Variants in CHAF1B observed in about 807,000 individuals in gnomAD.
The protein encoded by CHAF1B is CAF-1 subunit B.
A neutral mutation model predicts 60.7 loss-of-function variants in CHAF1B; 10 were observed. The observed-to-expected ratio is 0.16, with a 90% confidence interval of 0.10 to 0.28. CHAF1B has a LOEUF of 0.28. Among genes scored for constraint, CHAF1B ranks in the 10% least tolerant of loss-of-function variants. The pLI, the probability that CHAF1B is intolerant of heterozygous loss-of-function variation, is 1.00. For synonymous variants in CHAF1B, 261 were observed against 266.1 expected (o/e 0.98, Z 0.19); for missense variants, 558 against 708.4 (o/e 0.79, Z 2.41).
chr21:36,397,937 A>G (rs1466020265), intron 6 of CHAF1B: 1 of 152,530 alleles, frequency 6.6e-6, no homozygotes, highest in Admixed American at 6.5e-5. Context: ...CACGTTGGTC[A>G]AGCTGTTCTC....
At chr21:36,405,978 T>G (rs1409456720) in intron 8 of CHAF1B, among the ~76,000 whole-genome samples, 2 of 151,900 alleles carry the variant, frequency 1.3e-5, no homozygotes, top group Non-Finnish European at 2.9e-5. Context: ...CAGTGATACT[T>G]GGGAGGGCAT....
Position 36,411,568 on chromosome 21 carries a change from C to T in CHAF1B, c.1025C>T (p.Ser342Phe). 1.2e-6 allele frequency: 2 copies of T among 1,614,026 alleles called. No homozygotes were observed. The highest frequency in any genetic ancestry group is 1.7e-6 in the Non-Finnish European group (2 of 1,180,010). ...CAGTCCTTCCCTTTTGGTTACGTGT[C>T]TAATATACATTACCACACCCTCAGT... Reference protein sequence around the residue: ...TQQSFPFGYVSNIHYHTLSDI... With the variant: ...TQQSFPFGYVFNIHYHTLSDI... The change falls in exon 11 of 14, where the codon TCT becomes TTT. Residue 342 changes from serine to phenylalanine, a missense_variant. Physicochemically the swap from Ser to Phe is radical, Grantham distance 155. Transcript: ENST00000314103.
At position 36,405,677 on chromosome 21, in the gene CHAF1B, C is replaced by T. The variant is rs760337298; in HGVS notation, c.757+2826C>T. Among the ~76,000 whole-genome samples, 5 of 152,012 alleles carry T rather than the reference C, an allele frequency of 3.3e-5. No homozygotes were observed. In the South Asian group the frequency reaches 6.2e-4, roughly 19 times the overall value. ...AACTCCTGGGCTCAAGCACCCCTTCCGCCTCGGCCTCCCAAAGAGCTGGGA... is the reference window on the plus strand; with the variant it reads ...AACTCCTGGGCTCAAGCACCCCTTCTGCCTCGGCCTCCCAAAGAGCTGGGA... On this transcript the variant is annotated intron_variant, in intron 8 of 13. Coordinates refer to ENST00000314103, the MANE Select transcript of CHAF1B (RefSeq NM_005441.3).
At position 36,408,677 on chromosome 21, in the gene CHAF1B, C is replaced by G. The variant is rs73385704; in HGVS notation, c.758-84C>G. 2.3e-4 allele frequency: 219 copies of G among 936,542 alleles called. No homozygotes were observed. The African/African-American group carries it at 3.3e-3, about 14-fold the overall frequency. The allele number at this position is 936,542 out of a possible 1,614,324, so 58.0% of individuals were successfully genotyped here. A position where few individuals can be genotyped will look rare whatever the true frequency, so the allele number is the denominator to read the frequency against. On this transcript the variant is annotated intron_variant, in intron 8 of 13. Transcript: ENST00000314103. ...GGGGGAAGTATTTTGCAAACCGGAC[C>G]TGAAGGCTCTTGAGTTTCTGTTGGT...
intron 7 of CHAF1B, among the ~76,000 whole-genome samples, chr21:36,400,270 A>T (rs1009970381): frequency 2.0e-5 from 3 of 152,124 alleles, no homozygotes; most frequent in Non-Finnish European, 4.4e-5. Flanking sequence ...ACCTGAGGTC[A>T]GGAGTTTGGG....
intron 8 of CHAF1B, among the ~76,000 whole-genome samples, chr21:36,404,346 G>A (rs926836014): frequency 8.7e-5 from 13 of 150,174 alleles, no homozygotes; most frequent in African/African-American, 2.9e-4. Context: ...TGATCCGCCT[G>A]CCTTGGCCTC....
At chr21:36,413,458 CG>C in intron 12 of CHAF1B, 143 bp downstream of exon 12, 1 of 785,686 alleles carries the variant, frequency 1.3e-6, no homozygotes, top group South Asian at 1.9e-5. Context: ...ACTTCAAATC[CG>C]AGAGTGTCAT....
intron 4 of CHAF1B, 99 bp from the exon 5 acceptor site, chr21:36,394,448 A>G: frequency 1.3e-6 from 1 of 748,662 alleles, no homozygotes; most frequent in African/African-American, 1.8e-5. Flanking sequence ...GACCACAGGC[A>G]GTCTGTCTAC....
At position 36,395,171 on chromosome 21, in the gene CHAF1B, A is replaced by G. The variant is rs372837159; in HGVS notation, c.481+521A>G. On this transcript the variant is annotated intron_variant, in intron 5 of 13. Transcript: ENST00000314103. ...GTTCAAGCGATTCTCCTGCCTCAGC[A>G]TCCTGAGTAGCTGGACTACAGGTGT... is the stretch of plus-strand genomic sequence containing the variant. Among the ~76,000 whole-genome samples the G allele has an allele frequency of 7.9e-4, 120 of 152,158 alleles. 1 individual carries two copies. Among genetic ancestry groups the G allele is most frequent in the African/African-American group, 2.8e-3 (115 of 41,526 alleles).
At chr21:36,415,478 G>C in intron 13 of CHAF1B, 89 bp downstream of exon 13, 3 of 944,680 alleles carry the variant, frequency 3.2e-6, no homozygotes, top group Non-Finnish European at 5.1e-6. Flanking sequence ...CTAATTTTAA[G>C]TCAGTTCTGA....
intron 4 of CHAF1B, among the ~76,000 whole-genome samples, chr21:36,392,628 G>A (rs1040595024): frequency 1.7e-4 from 26 of 149,120 alleles, no homozygotes; most frequent in African/African-American, 4.2e-4. Context: ...GCTGCTGGGC[G>A]GAGGGGCTCC....
intron 7 of CHAF1B, among the ~76,000 whole-genome samples, chr21:36,400,964 G>A (rs1253808573): frequency 6.6e-6 from 1 of 152,100 alleles, no homozygotes; most frequent in African/African-American, 2.4e-5. Flanking sequence ...GGTCACACCT[G>A]TGAAGTAAGA....
intron 3 of CHAF1B, among the ~76,000 whole-genome samples, chr21:36,389,800 T>TGTGTGTGCGCGCGCGCGCGCGCGCGC: frequency 1.4e-4 from 18 of 124,742 alleles, no homozygotes; most frequent in African/African-American, 6.3e-4. Context: ...TGTGTGTGTG[T>TGTGTGTGCGCGCGCGCGCGCGCGCGC]GCGCGCGCAC....
At chr21:36,399,659 A>C in intron 7 of CHAF1B, 54 bp downstream of exon 7, 1 of 1,414,514 alleles carries the variant, frequency 7.1e-7, no homozygotes, top group East Asian at 2.3e-5. Context: ...AGACTTAGGA[A>C]GTCATGAGCT....
rs540433867 is a variant in CHAF1B at position 36,417,295 on chromosome 21, TACAC to T, written c.*939_*942del. 4.7e-5 allele frequency: 7 copies of T among 149,826 alleles called. No individual in the cohort carries two copies. Among genetic ancestry groups the T allele is most frequent in the African/African-American group, 1.7e-4 (7 of 40,454 alleles). The allele number at this position is 149,826 out of a possible 1,614,324, so 9.3% of individuals were successfully genotyped here. ...TATATATGATACATATATATATATATACACACACACACAAGTATGTGTGTATATA... is the reference window on the plus strand; with the variant it reads ...TATATATGATACATATATATATATATACACACACAAGTATGTGTGTATATA... On this transcript the variant is annotated 3_prime_UTR_variant, in exon 14 of 14. Coordinates refer to ENST00000314103, the MANE Select transcript of CHAF1B (RefSeq NM_005441.3).
chr21:36,385,480 G>A (rs2086022946), intron 1 of CHAF1B, 29 bp downstream of exon 1: 2 of 151,946 alleles, frequency 1.3e-5, no homozygotes, highest in Admixed American at 1.3e-4. Flanking sequence ...GGGCAGCTCC[G>A]CGGCTCTTTT....
chr21:36,391,445 C>G, intron 3 of CHAF1B, 106 bp from the exon 4 acceptor site: 1 of 600,820 alleles, frequency 1.7e-6, no homozygotes, highest in Non-Finnish European at 2.8e-6. Flanking sequence ...GCCTGGGCGA[C>G]AGGGTGAGAC....
chr21:36,411,220 T>A (rs2086275705), intron 10 of CHAF1B, among the ~76,000 whole-genome samples: 1 of 151,856 alleles, frequency 6.6e-6, no homozygotes, highest in Admixed American at 6.6e-5. Context: ...TTCAAGCGAT[T>A]CTCCTGTCTC....
intron 5 of CHAF1B, among the ~76,000 whole-genome samples, chr21:36,396,149 G>A (rs530517038): frequency 2.0e-5 from 3 of 151,438 alleles, no homozygotes; most frequent in South Asian, 2.1e-4. Context: ...ACAGGCGCCC[G>A]CCACCACTCC....
Sources: gnomAD v4.1 joint callset for allele counts (sites outside exome capture counted in the v4.1 genomes callset) on GRCh38, gnomAD v4.1.1 for gene constraint, MANE v1.5 for transcripts, NCBI Gene and HGNC (gene_info 2026-07-23, HGNC 2026-07-21) for gene names.